EWSR1: variants seen among roughly 807,000 people sequenced by gnomAD.
The protein encoded by EWSR1 is RNA-binding protein EWS.
Under a neutral mutation model 92.1 loss-of-function variants are expected in EWSR1, and 14 were observed. The observed-to-expected ratio is 0.15, with a 90% confidence interval of 0.10 to 0.24. EWSR1 has a LOEUF of 0.24. Ranked by LOEUF, EWSR1 falls within the 10% of genes least tolerant of loss-of-function variation. The pLI is 1.00. For missense variants in EWSR1, 637 were observed against 870.9 expected (o/e 0.73, Z 3.38); for synonymous variants, 303 against 292.9 (o/e 1.03, Z -0.35).
chr22:29,268,913 C>T (rs910557567), intron 1 of EWSR1, among the ~76,000 whole-genome samples: 7 of 152,252 alleles, frequency 4.6e-5, no homozygotes, highest in African/African-American at 1.7e-4. Context: ...CTGGCGCTGC[C>T]GAGCTGCCCC....
At chr22:29,282,623 G>C in intron 6 of EWSR1, 66 bp downstream of exon 6, 1 of 1,395,556 alleles carries the variant, frequency 7.2e-7, no homozygotes, top group Non-Finnish European at 9.5e-7. Context: ...TTGTTGACCA[G>C]CTTGCTTTGA....
rs182461368 is a variant in EWSR1, at chr22:29,299,045, C to G, written c.1580+150C>G. The G allele has an allele frequency of 3.8e-6, 5 of 1,321,114 alleles. No homozygotes were observed. In the South Asian group the frequency reaches 7.1e-5, roughly 19 times the overall value. 81.8% of individuals were successfully genotyped at this position (1,321,114 alleles called of 1,614,324 possible). A position where few individuals can be genotyped will look rare whatever the true frequency, so the allele number is the denominator to read the frequency against. ...GGACACTAGTCAGCCATTCACTGGA[C>G]GCTTCAGAGCCTTCTGAAGATTGAT... On this transcript the variant is annotated intron_variant, in intron 14 of 16. Transcript: ENST00000397938.
At chr22:29,296,820 TGCTTGAATCCAGGG>T (rs1383374360) in intron 12 of EWSR1, among the ~76,000 whole-genome samples, 1 of 152,100 alleles carries the variant, frequency 6.6e-6, no homozygotes, top group Admixed American at 6.6e-5. Flanking sequence ...ATCGGTGCAT[TGCTTGAATCCAGGG>T]GCTTGAGACC....
chr22:29,280,009 A>G (rs2059437074), intron 5 of EWSR1, among the ~76,000 whole-genome samples: 2 of 152,152 alleles, frequency 1.3e-5, no homozygotes, highest in Non-Finnish European at 2.9e-5. Flanking sequence ...TTCGACTGGA[A>G]AAGGGTATGG....
chr22:29,281,100 C>CG (rs1223892197), intron 5 of EWSR1, among the ~76,000 whole-genome samples: 3 of 151,712 alleles, frequency 2.0e-5, no homozygotes, highest in Non-Finnish European at 2.9e-5. Context: ...AGGATAGTCT[C>CG]GATCTCCTGA....
intron 11 of EWSR1, 103 bp downstream of exon 11, chr22:29,292,709 C>T: frequency 1.5e-6 from 1 of 671,596 alleles, no homozygotes; most frequent in Non-Finnish European, 2.6e-6. Context: ...GTTGCCTTTG[C>T]CTGACTTCTT....
At chr22:29,293,582 T>C (rs1178102955) in intron 11 of EWSR1, among the ~76,000 whole-genome samples, 1 of 152,232 alleles carries the variant, frequency 6.6e-6, no homozygotes, top group African/African-American at 2.4e-5. Flanking sequence ...CTTATTTATT[T>C]ACTGAGACAG....
Position 29,268,332 on chromosome 22 carries a change from A to G in EWSR1, c.-5A>G. 1.9e-6 allele frequency: 3 copies of G among 1,614,098 alleles called. No homozygotes were observed. Among genetic ancestry groups the G allele is most frequent in the Non-Finnish European group, 2.5e-6 (3 of 1,179,984 alleles). On this transcript the variant is annotated 5_prime_UTR_variant, in exon 1 of 17. Coordinates refer to ENST00000397938, the MANE Select transcript of EWSR1 (RefSeq NM_005243.4). The stretch of plus-strand genomic sequence containing the variant: ...CGTTGAGAGAACGAGGAGGAAGGAG[A>G]GAAAATGGCGTCCACGGGTGAGTAT...
chr22:29,276,199 A>G, intron 4 of EWSR1: 1 of 230,570 alleles, frequency 4.3e-6, no homozygotes, highest in Non-Finnish European at 8.6e-6. Flanking sequence ...TGTAATCGGT[A>G]TATGAACGGT....
At chr22:29,286,902 T>C (rs1220940276) in intron 6 of EWSR1, 21 bp from the exon 7 acceptor site, 2 of 1,589,388 alleles carry the variant, frequency 1.3e-6, no homozygotes, top group Non-Finnish European at 1.7e-6. Flanking sequence ...CTTTTTTTTT[T>C]TTCTCTTCTC....
At chr22:29,273,156 T>C (rs1156678182) in intron 3 of EWSR1, among the ~76,000 whole-genome samples, 2 of 152,196 alleles carry the variant, frequency 1.3e-5, no homozygotes, top group Non-Finnish European at 2.9e-5. Flanking sequence ...ATGTCTAAGT[T>C]CAAAAGACAG....
At chr22:29,282,300 C>T (rs1351101497) in intron 5 of EWSR1, 90 bp from the exon 6 acceptor site, 1 of 1,010,526 alleles carries the variant, frequency 9.9e-7, no homozygotes, top group Admixed American at 3.3e-5. Flanking sequence ...TTGCTCGTAG[C>T]TTTGTAGCAT....
chr22:29,298,056 C>G lies in EWSR1; in HGVS notation c.1417+107C>G. 3 of 1,202,492 alleles carry G rather than the reference C, an allele frequency of 2.5e-6. No individual in the cohort carries two copies. In the Admixed American group the frequency reaches 7.0e-5, roughly 28 times the overall value. 74.5% of individuals were successfully genotyped at this position (1,202,492 alleles called of 1,614,324 possible). A position where few individuals can be genotyped will look rare whatever the true frequency, so the allele number is the denominator to read the frequency against. On this transcript the variant is annotated intron_variant, in intron 13 of 16. Transcript: ENST00000397938. Reference sequence around the variant, plus strand: ...AGAAATATAAAATTGTGTGTAGAGTCAATACTAGACTATCGAGAGCTAACA... The same window carrying G: ...AGAAATATAAAATTGTGTGTAGAGTGAATACTAGACTATCGAGAGCTAACA...
intron 1 of EWSR1, among the ~76,000 whole-genome samples, chr22:29,270,869 A>G (rs571888470): frequency 6.6e-6 from 1 of 152,296 alleles, no homozygotes; most frequent in South Asian, 2.1e-4. Context: ...TGCCTTTAAG[A>G]TTGTCATGAA....
Position 29,290,533 on chromosome 22 carries a change from T to C in EWSR1, c.975-1029T>C, listed in dbSNP as rs761262765. The C allele has an allele frequency of 1.9e-6, 3 of 1,585,910 alleles. No individual in the cohort carries two copies. In the African/African-American group the frequency reaches 4.1e-5, roughly 22 times the overall value. On this transcript the variant is annotated intron_variant, in intron 8 of 16. Transcript: ENST00000397938. ...GGTGTCCATATGGAGAGGAAAAATA[T>C]ACATAGAATATTTTTAACAAAATGT... is the stretch of plus-strand genomic sequence containing the variant.
At chr22:29,299,484 G>A in intron 15 of EWSR1, 115 bp from the exon 16 acceptor site, 4 of 1,490,732 alleles carry the variant, frequency 2.7e-6, no homozygotes, top group Non-Finnish European at 3.6e-6. Flanking sequence ...CCGAGATTGA[G>A]TGAAGTGTCT....
intron 5 of EWSR1, among the ~76,000 whole-genome samples, chr22:29,279,874 T>C (rs988716761): frequency 6.6e-6 from 1 of 152,232 alleles, no homozygotes; most frequent in Non-Finnish European, 1.5e-5. Context: ...TGCAACAGTA[T>C]ATCCAAGCCA....
chr22:29,290,139 GTC>G (rs2060340199), intron 8 of EWSR1: 1 of 306,366 alleles, frequency 3.3e-6, no homozygotes, highest in Non-Finnish European at 6.0e-6. Flanking sequence ...TGGATGAGAA[GTC>G]TCTCTTGCAG....
chr22:29,280,885 T>G (rs1365724904), intron 5 of EWSR1, among the ~76,000 whole-genome samples: 21 of 121,452 alleles, frequency 1.7e-4, no homozygotes, highest in African/African-American at 5.5e-4. Context: ...TTTTTTTTTT[T>G]TTTTTTTTTT....
Sources: allele counts gnomAD v4.1 joint callset (sites outside exome capture counted in the v4.1 genomes callset), GRCh38; gene constraint gnomAD v4.1.1; transcripts MANE v1.5; gene names NCBI Gene and HGNC (gene_info 2026-07-23, HGNC 2026-07-21).